EPHA6: variants seen among roughly 807,000 people sequenced by gnomAD.
The protein encoded by EPHA6 is ephrin type-A receptor 6.
EPHA6 carries 50 observed loss-of-function variants against 112.0 expected under a neutral mutation model. The ratio of observed to expected loss-of-function variants is 0.45; its 90% CI spans 0.36 to 0.56. The LOEUF (loss-of-function observed/expected upper bound fraction) is 0.56, where lower values mean the gene tolerates loss of function less well. Among genes scored for constraint, EPHA6 ranks in the 20% least tolerant of loss-of-function variants. EPHA6 has a pLI of 0.00. For synonymous variants in EPHA6, 529 were observed against 490.7 expected (o/e 1.08, Z -1.03); for missense variants, 1,280 against 1,417.4 (o/e 0.90, Z 1.56).
chr3:97,179,669 G>T (rs1258054822), intron 3 of EPHA6, among the ~76,000 whole-genome samples: 3 of 151,286 alleles, frequency 2.0e-5, no homozygotes, highest in South Asian at 2.1e-4. Context: ...TCTCTGGATT[G>T]CCAGGCAGAG....
At chr3:96,820,407 GC>G (rs2033160695) in intron 1 of EPHA6, among the ~76,000 whole-genome samples, 4 of 151,748 alleles carry the variant, frequency 2.6e-5, no homozygotes. Flanking sequence ...AGTTGTCCGG[GC>G]AAGATGTATG....
At chr3:97,608,388 T>A (rs2093694883) in intron 12 of EPHA6, among the ~76,000 whole-genome samples, 1 of 151,274 alleles carries the variant, frequency 6.6e-6, no homozygotes, top group South Asian at 2.1e-4. Flanking sequence ...AACTATGAAA[T>A]CAAGAAAAGT....
chr3:97,431,910 A>G (rs890604771), intron 6 of EPHA6, among the ~76,000 whole-genome samples: 1 of 152,238 alleles, frequency 6.6e-6, no homozygotes, highest in Admixed American at 6.6e-5. Flanking sequence ...CTCCTAAAAC[A>G]TGCAATAATC....
At chr3:97,040,438 T>C (rs933543354) in intron 3 of EPHA6, among the ~76,000 whole-genome samples, 3 of 152,028 alleles carry the variant, frequency 2.0e-5, no homozygotes, top group African/African-American at 7.2e-5. Flanking sequence ...GTTTTAAAAG[T>C]GAGAAACAAA....
intron 11 of EPHA6, among the ~76,000 whole-genome samples, chr3:97,558,044 G>A (rs987518910): frequency 6.6e-6 from 1 of 151,890 alleles, no homozygotes; most frequent in African/African-American, 2.4e-5. Context: ...AAGCACAGGG[G>A]CAGGACAAGT....
intron 5 of EPHA6, among the ~76,000 whole-genome samples, chr3:97,293,062 G>T (rs1474046296): frequency 6.6e-6 from 1 of 151,626 alleles, no homozygotes; most frequent in Non-Finnish European, 1.5e-5. Context: ...GACCTGTGGT[G>T]GATAGCTCCT....
chr3:97,349,230 C>A (rs1403811844), intron 5 of EPHA6, among the ~76,000 whole-genome samples: 1 of 151,880 alleles, frequency 6.6e-6, no homozygotes, highest in Non-Finnish European at 1.5e-5. Flanking sequence ...AACAATATTA[C>A]CTTTAGTCTT....
chr3:97,219,071 C>A (rs955318937), intron 3 of EPHA6, among the ~76,000 whole-genome samples: 2 of 152,032 alleles, frequency 1.3e-5, no homozygotes, highest in Non-Finnish European at 2.9e-5. Context: ...AAGAGGTGGG[C>A]TCCCACAGTC....
At chr3:97,287,356 T>C (rs554081329) in intron 5 of EPHA6, among the ~76,000 whole-genome samples, 10 of 151,928 alleles carry the variant, frequency 6.6e-5, no homozygotes, top group Non-Finnish European at 1.3e-4. Context: ...CATCTCTTCA[T>C]GATAAAAAAA....
chr3:97,082,551 C>T (rs2046756176), intron 3 of EPHA6, among the ~76,000 whole-genome samples: 2 of 151,746 alleles, frequency 1.3e-5, no homozygotes, highest in African/African-American at 2.4e-5. Flanking sequence ...TGGATTTTGC[C>T]CTTGCATACA....
intron 11 of EPHA6, among the ~76,000 whole-genome samples, chr3:97,541,761 TTTG>T (rs3033945): frequency 8.1e-5 from 12 of 148,364 alleles, no homozygotes; most frequent in East Asian, 3.9e-4. Context: ...TTTAAAGAAG[TTTG>T]TTGTTGTTGT....
chr3:97,258,048 T>G (rs2079374806), intron 5 of EPHA6, among the ~76,000 whole-genome samples: 2 of 152,106 alleles, frequency 1.3e-5, no homozygotes, highest in African/African-American at 4.8e-5. Flanking sequence ...CTTATCTTGC[T>G]TGTTCTTTCA....
In EPHA6 at chr3:97,639,206, T is replaced by C. The variant is rs557351530; in HGVS notation, c.2784+1124T>C. Among the ~76,000 whole-genome samples, 34 of 152,136 alleles carry C rather than the reference T, an allele frequency of 2.2e-4. No homozygotes were observed. The South Asian group carries it at 5.8e-3, about 26-fold the overall frequency. ...AAAGTAGCAGTGTAGGAGTATCTAC[T>C]GATCTTTTAATTTAACCAAAAAGCT... On this transcript the variant is annotated intron_variant, in intron 14 of 17. Transcript: ENST00000389672.
chr3:97,542,094 G>GTT (rs35609794), intron 11 of EPHA6, among the ~76,000 whole-genome samples: 3 of 142,060 alleles, frequency 2.1e-5, no homozygotes, highest in South Asian at 2.3e-4. Context: ...ATGTTTTTTT[G>GTT]TTTTTTTTTT....
chr3:97,038,360 C>T (rs553412206), intron 3 of EPHA6, among the ~76,000 whole-genome samples: 9 of 151,938 alleles, frequency 5.9e-5, no homozygotes, highest in Admixed American at 3.9e-4. Flanking sequence ...TCTCTGTCTT[C>T]GTGAAGTCCA....
At chr3:96,928,249 G>C (rs997776449) in intron 2 of EPHA6, among the ~76,000 whole-genome samples, 1 of 152,154 alleles carries the variant, frequency 6.6e-6, no homozygotes, top group African/African-American at 2.4e-5. Flanking sequence ...CTAGCTTTTT[G>C]ATATGAGCAT....
intron 13 of EPHA6, among the ~76,000 whole-genome samples, chr3:97,615,808 C>T (rs1310579230): frequency 6.6e-6 from 1 of 152,130 alleles, no homozygotes; most frequent in Non-Finnish European, 1.5e-5. Flanking sequence ...TTCTCCAGCC[C>T]AACAGAGATT....
chr3:97,571,146 C>T (rs1027314042), intron 11 of EPHA6, among the ~76,000 whole-genome samples: 4 of 152,202 alleles, frequency 2.6e-5, no homozygotes, highest in Non-Finnish European at 5.9e-5. Context: ...ACCTATGTCA[C>T]GGCAAGGAGT....
chr3:97,338,924 T>A (rs955172127), intron 5 of EPHA6, among the ~76,000 whole-genome samples: 2 of 152,192 alleles, frequency 1.3e-5, no homozygotes, highest in African/African-American at 2.4e-5. Context: ...ACTGTGATTA[T>A]TTCTCAATCT....
Sources: gnomAD v4.1 joint callset for allele counts (sites outside exome capture counted in the v4.1 genomes callset) on GRCh38, gnomAD v4.1.1 for gene constraint, MANE v1.5 for transcripts, NCBI Gene and HGNC (gene_info 2026-07-23, HGNC 2026-07-21) for gene names.